The following WIPF2 variants were observed in gnomAD, a reference collection of about 807,000 sequenced individuals.
The protein encoded by WIPF2 is WAS/WASL interacting protein family member 2, also known as WAS/WASL-interacting protein family member 2.
In WIPF2, 23 loss-of-function variants were observed where a neutral mutation model predicts 38.8. That is an observed-to-expected ratio of 0.59 (90% CI 0.43 to 0.84). The LOEUF is 0.84. Ranked by LOEUF, WIPF2 falls within the 40% of genes least tolerant of loss-of-function variation. The probability of loss-of-function intolerance (pLI) is 0.00; values close to 1 mark genes in which losing one functional copy is unlikely to be tolerated. For synonymous variants in WIPF2, 210 were observed against 223.2 expected (o/e 0.94, Z 0.53); for missense variants, 574 against 580.5 (o/e 0.99, Z 0.11).
At chr17:40,247,053 G>T (rs1482182165) in intron 1 of WIPF2, among the ~76,000 whole-genome samples, 1 of 151,774 alleles carries the variant, frequency 6.6e-6, no homozygotes, top group Non-Finnish European at 1.5e-5. Context: ...GGAGGAGGTT[G>T]CAGTGAGCCG....
chr17:40,246,877 C>T (rs1013176163), intron 1 of WIPF2, among the ~76,000 whole-genome samples: 2 of 151,300 alleles, frequency 1.3e-5, no homozygotes, highest in African/African-American at 2.4e-5. Context: ...TTTGGGAGGC[C>T]GAGGTGGGCG....
At chr17:40,235,775 T>C (rs1350882890) in intron 1 of WIPF2, among the ~76,000 whole-genome samples, 1 of 151,722 alleles carries the variant, frequency 6.6e-6, no homozygotes, top group Non-Finnish European at 1.5e-5. Context: ...GTTTCTTCCA[T>C]GTTGGTCAGG....
chr17:40,277,852 A>G (rs1431971811), intron 7 of WIPF2, among the ~76,000 whole-genome samples: 4 of 150,692 alleles, frequency 2.7e-5, no homozygotes, highest in Non-Finnish European at 5.9e-5. Context: ...TAAGCCTCCC[A>G]AGTATCTAGG....
At position 40,238,310 on chromosome 17, in the gene WIPF2, G is replaced by A. The variant is rs190000954; in HGVS notation, c.-69-18081G>A. On this transcript the variant is annotated intron_variant, in intron 1 of 7. Transcript: ENST00000323571. ...CTTATTCAATTTTTATTATTTATTTGTTTATTTATTTGAGATGGAGTCTGG... is the reference window on the plus strand; with the variant it reads ...CTTATTCAATTTTTATTATTTATTTATTTATTTATTTGAGATGGAGTCTGG... Among the ~76,000 whole-genome samples the A allele has an allele frequency of 2.0e-5, 3 of 152,026 alleles. No individual in the cohort carries two copies. The East Asian group carries it at 5.8e-4, about 29-fold the overall frequency.
chr17:40,221,365 C>T (rs1205106148), intron 1 of WIPF2, among the ~76,000 whole-genome samples: 1 of 152,032 alleles, frequency 6.6e-6, no homozygotes, highest in Admixed American at 6.6e-5. Context: ...GTCCCTGCCT[C>T]TAAAAGTTTG....
At chr17:40,270,847 G>A (rs916671210) in intron 5 of WIPF2, among the ~76,000 whole-genome samples, 1 of 151,524 alleles carries the variant, frequency 6.6e-6, no homozygotes, top group African/African-American at 2.4e-5. Flanking sequence ...TGTCTTACGG[G>A]AAGCAAAAAC....
At chr17:40,265,828 C>G (rs1334374104) in intron 5 of WIPF2, among the ~76,000 whole-genome samples, 1 of 152,140 alleles carries the variant, frequency 6.6e-6, no homozygotes, top group Non-Finnish European at 1.5e-5. Flanking sequence ...AGATCATTAA[C>G]TCCTATGTTG....
chr17:40,242,228 C>T (rs926687136), intron 1 of WIPF2, among the ~76,000 whole-genome samples: 2 of 151,946 alleles, frequency 1.3e-5, no homozygotes, highest in Admixed American at 1.3e-4. Flanking sequence ...CAAAATAAAA[C>T]GATTAGCTGG....
chr17:40,242,654 G>A (rs540705912), intron 1 of WIPF2, among the ~76,000 whole-genome samples: 27 of 152,160 alleles, frequency 1.8e-4, no homozygotes, highest in Non-Finnish European at 3.1e-4. Context: ...CACCTGCCTC[G>A]GCCTTCCAGA....
At position 40,264,950 on chromosome 17, in the gene WIPF2, T is replaced by C. The variant is rs1394074745; in HGVS notation, c.774T>C (p.Pro258=). The change falls in exon 5 of 8, where the codon CCT becomes CCC. Residue 258 remains proline, a synonymous_variant. Coordinates refer to ENST00000323571, the MANE Select transcript of WIPF2 (RefSeq NM_133264.5). ...LAPPPPPYRQ[P]PGVPNGPSSP... is the part of the protein sequence containing the mutation. ...CTCCTCCTCCGCCTTACCGCCAGCC[T>C]CCTGGGGTCCCCAATGGACCCTCTA... 1 of 1,613,988 alleles carries C rather than the reference T, an allele frequency of 6.2e-7. No individual in the cohort carries two copies. The highest frequency in any genetic ancestry group is 8.5e-7 in the Non-Finnish European group (1 of 1,180,020).
chr17:40,253,906 T>G (rs1598484940), intron 1 of WIPF2, among the ~76,000 whole-genome samples: 2 of 152,148 alleles, frequency 1.3e-5, no homozygotes. Flanking sequence ...CTTTCATCAT[T>G]CCCAGAGCAT....
At chr17:40,251,272 G>T (rs1427297286) in intron 1 of WIPF2, among the ~76,000 whole-genome samples, 1 of 151,686 alleles carries the variant, frequency 6.6e-6, no homozygotes, top group Admixed American at 6.6e-5. Flanking sequence ...TTTGTCCTTT[G>T]ATTAATCACA....
intron 1 of WIPF2, among the ~76,000 whole-genome samples, chr17:40,224,099 A>G (rs893848630): frequency 5.3e-5 from 8 of 151,680 alleles, no homozygotes; most frequent in African/African-American, 1.9e-4. Flanking sequence ...CCTGCTTAAT[A>G]TTATGCTATT....
chr17:40,224,220 T>C (rs2030377154), intron 1 of WIPF2, among the ~76,000 whole-genome samples: 1 of 146,510 alleles, frequency 6.8e-6, no homozygotes, highest in Non-Finnish European at 1.5e-5. Flanking sequence ...ATTTTTTTTT[T>C]CTTTTCTTTT....
chr17:40,229,400 C>T (rs1429605174), intron 1 of WIPF2, among the ~76,000 whole-genome samples: 4 of 151,802 alleles, frequency 2.6e-5, no homozygotes, highest in Non-Finnish European at 5.9e-5. Context: ...AGCCGCCGCA[C>T]CTGGCCAAAG....
chr17:40,243,838 T>C (rs1285741597), intron 1 of WIPF2, among the ~76,000 whole-genome samples: 1 of 152,132 alleles, frequency 6.6e-6, no homozygotes, highest in Non-Finnish European at 1.5e-5. Context: ...TCAGTTTTAA[T>C]ATTCATGATG....
intron 1 of WIPF2, among the ~76,000 whole-genome samples, chr17:40,247,605 T>TCCC (rs959192791): frequency 2.0e-5 from 3 of 151,420 alleles, no homozygotes; most frequent in African/African-American, 7.3e-5. Context: ...CACTGCAGCC[T>TCCC]CCACCTCCTG....
At chr17:40,274,680 G>A (rs1463427949) in intron 6 of WIPF2, among the ~76,000 whole-genome samples, 1 of 150,978 alleles carries the variant, frequency 6.6e-6, no homozygotes, top group Non-Finnish European at 1.5e-5. Flanking sequence ...GGTGGCTCAT[G>A]CCTGTAATCC....
In WIPF2 at chr17:40,237,908, A is replaced by C. The variant is rs574473946; in HGVS notation, c.-70+18416A>C. Among the ~76,000 whole-genome samples, 4 of 150,868 alleles carry C rather than the reference A, an allele frequency of 2.7e-5. No homozygotes were observed. The East Asian group carries it at 7.9e-4, about 30-fold the overall frequency. Reference sequence around the variant, plus strand: ...TCTACTAAAATACCAAAAAAAAAAAAAAAAAAAATTAGCCAGGTGTGGTGA... The same window carrying C: ...TCTACTAAAATACCAAAAAAAAAAACAAAAAAAATTAGCCAGGTGTGGTGA... On this transcript the variant is annotated intron_variant, in intron 1 of 7. Transcript: ENST00000323571.
Sources: allele counts gnomAD v4.1 joint callset (sites outside exome capture counted in the v4.1 genomes callset), GRCh38; gene constraint gnomAD v4.1.1; transcripts MANE v1.5; gene names NCBI Gene and HGNC (gene_info 2026-07-23, HGNC 2026-07-21).